Variants in RAD17 observed in about 807,000 individuals in gnomAD.
The protein encoded by RAD17 is cell cycle checkpoint protein RAD17.
In RAD17, 31 loss-of-function variants were observed where a neutral mutation model predicts 81.5. That is an observed-to-expected ratio of 0.38 (90% confidence interval 0.29 to 0.51). The LOEUF (loss-of-function observed/expected upper bound fraction) is 0.51. RAD17 is among the 20% of genes least tolerant of loss of function. The probability of loss-of-function intolerance (pLI) is 0.88; values close to 1 mark genes in which losing one functional copy is unlikely to be tolerated. For synonymous variants in RAD17, 261 were observed against 266.2 expected, an observed-to-expected ratio of 0.98 and a Z score of 0.19; for missense variants, 681 against 781.2, an observed-to-expected ratio of 0.87 and a Z score of 1.53.
intron 16 of RAD17, among the ~76,000 whole-genome samples, chr5:69,399,277 A>C (rs1423835671): frequency 6.6e-6 from 1 of 152,166 alleles, no homozygotes; most frequent in Non-Finnish European, 1.5e-5. Flanking sequence ...AAAGTGAAGT[A>C]TAACACTGGC....
At chr5:69,371,411 A>G (rs1033806446) in intron 2 of RAD17, 43 bp from the exon 3 acceptor site, 1 of 561,604 alleles carries the variant, frequency 1.8e-6, no homozygotes, top group Non-Finnish European at 3.1e-6. Flanking sequence ...GGGCATTTAC[A>G]GTTTTTCTTC....
chr5:69,372,086 A>AATT lies in RAD17; in HGVS notation c.-123_-122insATT. On this transcript the variant is annotated 5_prime_UTR_variant, in exon 4 of 19. Transcript: ENST00000354868. ...AATGAAACTATAAAATGTATAAATA[A>AATT]TTTGCAAATCAGAATTGCTGTCGAA... is the stretch of plus-strand genomic sequence containing the variant. The AATT allele has an allele frequency of 7.1e-7, 1 of 1,416,512 alleles. No homozygotes were observed. The highest frequency in any genetic ancestry group is 9.5e-7 in the Non-Finnish European group (1 of 1,053,536). 87.7% of individuals were successfully genotyped at this position (1,416,512 alleles called of 1,614,324 possible).
At chr5:69,395,937 T>C (rs575606207) in intron 15 of RAD17, among the ~76,000 whole-genome samples, 1 of 152,322 alleles carries the variant, frequency 6.6e-6, no homozygotes, top group Admixed American at 6.5e-5. Context: ...CTAGTTGATA[T>C]AACTGGCCTC....
rs17236184 is a variant in RAD17, at chr5:69,371,796, G to A, written c.-175-238G>A. ...AAAGGCTGAAAACATTTGAATGAAA[G>A]AACATAGAAGAGAGAAATATGAGTG... On this transcript the variant is annotated intron_variant, in intron 3 of 18. Transcript: ENST00000354868. Among the ~76,000 whole-genome samples the A allele has an allele frequency of 6.8e-3, 1,042 of 152,192 alleles. 42 individuals are homozygous for A. The highest frequency in any genetic ancestry group is 0.06 in the Admixed American group (916 of 15,248).
intron 5 of RAD17, among the ~76,000 whole-genome samples, chr5:69,374,331 T>C (rs1763205872): frequency 6.6e-6 from 1 of 152,220 alleles, no homozygotes; most frequent in South Asian, 2.1e-4. Flanking sequence ...TTTTTAAAAA[T>C]TTTTGTACTA....
At chr5:69,391,782 A>G (rs1764568090) in intron 12 of RAD17, 49 bp from the exon 13 acceptor site, 8 of 1,295,744 alleles carry the variant, frequency 6.2e-6, no homozygotes, top group Non-Finnish European at 8.2e-6. Context: ...CTTAGTTTTA[A>G]TTTTCATATT....
intron 15 of RAD17, 75 bp downstream of exon 15, chr5:69,393,575 C>G: frequency 7.6e-7 from 1 of 1,313,414 alleles, no homozygotes; most frequent in Non-Finnish European, 1.1e-6. Flanking sequence ...TTACTTTTAT[C>G]CCTAATTGCC....
chr5:69,400,394 T>C (rs1335273192), intron 17 of RAD17, among the ~76,000 whole-genome samples: 5 of 151,752 alleles, frequency 3.3e-5, no homozygotes, highest in African/African-American at 1.2e-4. Flanking sequence ...ATTTTTGTAT[T>C]TTTAGTAGAG....
At chr5:69,401,187 G>A (rs1765243007) in intron 17 of RAD17, among the ~76,000 whole-genome samples, 1 of 152,286 alleles carries the variant, frequency 6.6e-6, no homozygotes, top group South Asian at 2.1e-4. Flanking sequence ...CAGCCTGGGC[G>A]ACAGAGCAAG....
chr5:69,385,005 G>A (rs1251809826), intron 8 of RAD17, 72 bp downstream of exon 8: 6 of 1,327,258 alleles, frequency 4.5e-6, no homozygotes, highest in Non-Finnish European at 6.0e-6. Flanking sequence ...TGTCACCCAG[G>A]CTGGAGTGCA....
At chr5:69,386,134 T>C (rs769446743) in intron 9 of RAD17, 39 bp downstream of exon 9, 1 of 1,600,116 alleles carries the variant, frequency 6.2e-7, no homozygotes, top group Non-Finnish European at 8.5e-7. Context: ...CCAAATTAAA[T>C]GAGAAGTGGC....
intron 18 of RAD17, among the ~76,000 whole-genome samples, chr5:69,412,531 C>G (rs1234453139): frequency 6.6e-6 from 1 of 152,062 alleles, no homozygotes; most frequent in Non-Finnish European, 1.5e-5. Flanking sequence ...AATGAAATTG[C>G]TGGATCAATA....
At position 69,393,402 on chromosome 5, in the gene RAD17, C is replaced by G; in HGVS notation, c.1324C>G (p.Leu442Val). Residue 442 changes from leucine (L) to valine (V), a missense_variant, in exon 15 of 19, where the codon CTT (leucine) becomes GTT (valine). Leu to Val is a conservative substitution (Grantham distance 32). Transcript: ENST00000354868. Reference protein sequence around the residue: ...HMPGDLFNLYLHQNYIDFFME... With the variant: ...HMPGDLFNLYVHQNYIDFFME... The stretch of plus-strand genomic sequence containing the variant: ...GCCTGGAGACTTATTTAATTTATAT[C>G]TTCACCAAAACTACATAGATTTCTT... 6.2e-7 allele frequency: 1 copy of G among 1,602,732 alleles called. No individual in the cohort carries two copies. The highest frequency in any genetic ancestry group is 1.1e-5 in the South Asian group (1 of 89,766).
intron 2 of RAD17, 69 bp downstream of exon 2, chr5:69,371,240 ACT>A (rs1436885618): frequency 1.8e-6 from 1 of 551,224 alleles, no homozygotes; most frequent in East Asian, 3.7e-5. Flanking sequence ...CATGTGAAAA[ACT>A]CTTAACACCA....
chr5:69,369,736 G>A, upstream of RAD17: 3 of 1,539,866 alleles, frequency 1.9e-6, no homozygotes, highest in Non-Finnish European at 2.6e-6. Flanking sequence ...CAGGCAGTGC[G>A]CTGGATGCCT....
chr5:69,395,522 A>G (rs1242357430), intron 15 of RAD17, among the ~76,000 whole-genome samples: 2 of 152,162 alleles, frequency 1.3e-5, no homozygotes, highest in Non-Finnish European at 2.9e-5. Context: ...AAATAATAAT[A>G]CAAAATAACG....
At chr5:69,397,505 T>C (rs1764969396) in intron 16 of RAD17, among the ~76,000 whole-genome samples, 1 of 152,094 alleles carries the variant, frequency 6.6e-6, no homozygotes, top group African/African-American at 2.4e-5. Flanking sequence ...GGCTCACACC[T>C]GTAATCCCAG....
At chr5:69,412,236 G>A (rs903407736) in intron 18 of RAD17, among the ~76,000 whole-genome samples, 1 of 152,056 alleles carries the variant, frequency 6.6e-6, no homozygotes, top group African/African-American at 2.4e-5. Flanking sequence ...GATTACAGGC[G>A]TGAGCCACCA....
rs531841436 is a variant in RAD17, at chr5:69,393,461, A to G, written c.1383A>G (p.Glu461=). 5.6e-6 allele frequency: 9 copies of G among 1,610,234 alleles called. No individual in the cohort carries two copies. In the Admixed American group the frequency reaches 6.8e-5, roughly 12 times the overall value. ...TTGATGATATTGTGAGAGCCAGTGAATTTCTGAGTTTTGCAGATATCCTCA... is the reference window on the plus strand; with the variant it reads ...TTGATGATATTGTGAGAGCCAGTGAGTTTCTGAGTTTTGCAGATATCCTCA... ...MEIDDIVRAS[E]FLSFADILSG... The change falls in exon 15 of 19, where the codon GAA becomes GAG. Residue 461 remains glutamate (E), a synonymous_variant. Coordinates refer to ENST00000354868, the MANE Select transcript of RAD17 (RefSeq NM_133338.3).
Sources: allele counts gnomAD v4.1 joint callset (sites outside exome capture counted in the v4.1 genomes callset), GRCh38; gene constraint gnomAD v4.1.1; transcripts MANE v1.5; gene names NCBI Gene and HGNC (gene_info 2026-07-23, HGNC 2026-07-21).